The following NME9 variants were observed in gnomAD, a reference collection of about 807,000 sequenced individuals.
The protein encoded by NME9 is thioredoxin domain-containing protein 6.
A neutral mutation model predicts 44.4 loss-of-function variants in NME9; 48 were observed. The observed-to-expected ratio is 1.08, with a 90% CI of 0.86 to 1.37. The LOEUF (loss-of-function observed/expected upper bound fraction) is 1.37. Ranked by LOEUF, NME9 falls within the 40% of genes most tolerant of loss-of-function variation. The pLI is 0.00. For synonymous variants in NME9, 139 were observed against 147.1 expected, an observed-to-expected ratio of 0.94 and a Z score of 0.40; for missense variants, 325 against 405.2, an observed-to-expected ratio of 0.80 and a Z score of 1.70.
At chr3:138,268,790 A>T (rs532319689) in intron 8 of NME9, among the ~76,000 whole-genome samples, 1 of 142,362 alleles carries the variant, frequency 7.0e-6, no homozygotes, top group East Asian at 2.0e-4. Context: ...AATTAAAATT[A>T]AAAAAAAAAT....
At chr3:138,279,623 T>C (rs1181715594) in intron 8 of NME9, among the ~76,000 whole-genome samples, 2 of 152,238 alleles carry the variant, frequency 1.3e-5, no homozygotes, top group Non-Finnish European at 2.9e-5. Context: ...ATTATTTTTT[T>C]CTTCAATTTT....
chr3:138,279,217 A>G (rs2049625958), intron 8 of NME9, among the ~76,000 whole-genome samples: 1 of 152,302 alleles, frequency 6.6e-6, no homozygotes, highest in Non-Finnish European at 1.5e-5. Context: ...TTTACCATAA[A>G]TAGATATTGG....
rs764283664 is a variant in NME9 at position 138,303,543 on chromosome 3, A to G, written c.892T>C (p.Leu298=). The G allele has an allele frequency of 6.2e-7, 1 of 1,613,832 alleles. No homozygotes were observed. The highest frequency in any genetic ancestry group is 2.2e-5 in the East Asian group (1 of 44,888). The change falls in exon 10 of 11, where the codon TTG becomes CTG. Residue 298 remains leucine (L), a synonymous_variant. Transcript: ENST00000333911. Reference sequence around the variant, plus strand: ...TCTGTATCTTTGTCTGAAAATTTCAAACTGGGGAAGAGCAATGCCAGTTCT... The same window carrying G: ...TCTGTATCTTTGTCTGAAAATTTCAGACTGGGGAAGAGCAATGCCAGTTCT... ...DRELALLFPS[L]KFSDKDTEAP... is the part of the protein sequence containing the mutation.
intron 8 of NME9, among the ~76,000 whole-genome samples, chr3:138,263,282 C>G (rs1342762012): frequency 6.6e-6 from 1 of 152,222 alleles, no homozygotes; most frequent in Non-Finnish European, 1.5e-5. Flanking sequence ...CTAAAAGTTT[C>G]AGTCGGTTGG....
At chr3:138,264,794 C>G (rs1251554755) in intron 8 of NME9, among the ~76,000 whole-genome samples, 4 of 146,520 alleles carry the variant, frequency 2.7e-5, no homozygotes, top group Admixed American at 1.3e-4. Flanking sequence ...ACACCTTAAC[C>G]TTATATCCAG....
chr3:138,305,394 C>A (rs1215742069), intron 8 of NME9, among the ~76,000 whole-genome samples: 5 of 152,200 alleles, frequency 3.3e-5, no homozygotes, highest in African/African-American at 1.2e-4. Flanking sequence ...ATAGTTGGTA[C>A]TTTTTTTCTT....
At chr3:138,267,674 G>A (rs1576876949) in intron 8 of NME9, among the ~76,000 whole-genome samples, 1 of 152,146 alleles carries the variant, frequency 6.6e-6, no homozygotes, top group East Asian at 1.9e-4. Context: ...GTTAATGGTA[G>A]TTGTTTGGGG....
intron 6 of NME9, among the ~76,000 whole-genome samples, chr3:138,308,645 G>A (rs981017476): frequency 6.6e-6 from 1 of 152,182 alleles, no homozygotes; most frequent in African/African-American, 2.4e-5. Flanking sequence ...CAGCATCATT[G>A]CTTTCGATTA....
chr3:138,288,684 G>A (rs572000133), intron 8 of NME9, among the ~76,000 whole-genome samples: 14 of 146,316 alleles, frequency 9.6e-5, no homozygotes, highest in Non-Finnish European at 1.3e-4. Context: ...TGTCACCCAG[G>A]CTGAGTGCAA....
chr3:138,328,178 G>C (rs1162435543), intron 1 of NME9, among the ~76,000 whole-genome samples: 1 of 152,162 alleles, frequency 6.6e-6, no homozygotes, highest in Non-Finnish European at 1.5e-5. Flanking sequence ...ATCAAGGCTG[G>C]AAGAAGGCCC....
intron 8 of NME9, among the ~76,000 whole-genome samples, chr3:138,305,436 T>C (rs949390202): frequency 6.6e-6 from 1 of 152,184 alleles, no homozygotes; most frequent in Admixed American, 6.5e-5. Flanking sequence ...CCTTCCTCCC[T>C]CTTCAAGTAA....
rs562378964 is a variant in NME9, at chr3:138,274,196, T to TTATG, written c.746-11614_746-11611dup. ...GCTTTCATATTCTGTCAGGTCAACT[T>TTATG]TATGTATGTATGTATGTATGTGTAA... is the stretch of plus-strand genomic sequence containing the variant. On this transcript the variant is annotated intron_variant, in intron 8 of 8. Coordinates refer to the NME9 transcript ENST00000317876. Among the ~76,000 whole-genome samples, 64 of 151,934 alleles carry TTATG rather than the reference T, an allele frequency of 4.2e-4. 1 individual carries two copies. The highest frequency in any genetic ancestry group is 3.3e-3 in the East Asian group (17 of 5,182).
chr3:138,318,276 G>T, intron 3 of NME9, 57 bp from the exon 4 acceptor site: 1 of 1,133,248 alleles, frequency 8.8e-7, no homozygotes, highest in Non-Finnish European at 1.3e-6. Flanking sequence ...GGGCCCAATT[G>T]ATTGGTGGGA....
intron 8 of NME9, among the ~76,000 whole-genome samples, chr3:138,284,125 GT>G (rs536328942): frequency 3.0e-3 from 454 of 152,292 alleles, no homozygotes; most frequent in Admixed American, 8.2e-3. Flanking sequence ...AAAATAATAA[GT>G]TACATTTTCT....
At position 138,306,404 on chromosome 3, in the gene NME9, GATA is replaced by G. The variant is rs2052264092; in HGVS notation, c.534_536del (p.Ile179del). 2 of 1,608,306 alleles carry G rather than the reference GATA, an allele frequency of 1.2e-6. No individual in the cohort carries two copies. Among genetic ancestry groups the G allele is most frequent in the East Asian group, 4.5e-5 (2 of 44,864 alleles). On this transcript the variant is annotated inframe_deletion, in exon 7 of 11. Transcript: ENST00000333911. ...TAAGTGTTGTCTCTCTTACCTTCAT[GATA>G]ATCTCATCAGTCTTTCCATGGGCCA... is the stretch of plus-strand genomic sequence containing the variant.
chr3:138,289,213 G>C, intron 8 of NME9: 1 of 995,168 alleles, frequency 1.0e-6, no homozygotes, highest in Non-Finnish European at 1.5e-6. Context: ...CCTGGGCAGA[G>C]GCTCTGTTCT....
At chr3:138,277,428 G>A (rs541966410) in intron 8 of NME9, among the ~76,000 whole-genome samples, 7 of 152,308 alleles carry the variant, frequency 4.6e-5, no homozygotes, top group East Asian at 1.9e-4. Context: ...AAACTTCTGC[G>A]TCGTGAAATG....
At chr3:138,262,910 T>A (rs1340510236) in intron 8 of NME9, among the ~76,000 whole-genome samples, 1 of 152,242 alleles carries the variant, frequency 6.6e-6, no homozygotes, top group Non-Finnish European at 1.5e-5. Context: ...CTCAGCTGTG[T>A]GATTACAGGA....
At chr3:138,310,673 A>G (rs1400628694) in intron 6 of NME9, among the ~76,000 whole-genome samples, 2 of 152,240 alleles carry the variant, frequency 1.3e-5, no homozygotes, top group Non-Finnish European at 2.9e-5. Flanking sequence ...CAAATGCATC[A>G]GAGAATAAAT....
Sources: gnomAD v4.1 joint callset for allele counts (sites outside exome capture counted in the v4.1 genomes callset) on GRCh38, gnomAD v4.1.1 for gene constraint, MANE v1.5 for transcripts, NCBI Gene and HGNC (gene_info 2026-07-23, HGNC 2026-07-21) for gene names.